The following PALD1 variants were observed in gnomAD, a reference collection of about 807,000 sequenced individuals.
The protein encoded by PALD1 is paladin.
PALD1 carries 57 observed loss-of-function variants against 96.0 expected under a neutral mutation model. The ratio of observed to expected loss-of-function variants is 0.59; its 90% CI spans 0.48 to 0.74. PALD1 has a LOEUF of 0.74. Among genes scored for constraint, PALD1 ranks in the 30% least tolerant of loss-of-function variants. The pLI, the probability that PALD1 is intolerant of heterozygous loss-of-function variation, is 0.00. For synonymous variants in PALD1, 464 were observed against 473.6 expected (o/e 0.98, Z 0.26); for missense variants, 1,063 against 1,143.7 (o/e 0.93, Z 1.02).
intron 18 of PALD1, among the ~76,000 whole-genome samples, chr10:70,559,364 G>A (rs1272135574): frequency 1.3e-5 from 2 of 152,174 alleles, no homozygotes; most frequent in African/African-American, 4.8e-5. Context: ...TAGAGGTTAT[G>A]GGGACAGGAG....
At chr10:70,520,624 GA>G (rs1274974027) in intron 1 of PALD1, among the ~76,000 whole-genome samples, 2 of 151,646 alleles carry the variant, frequency 1.3e-5, no homozygotes, top group African/African-American at 2.4e-5. Flanking sequence ...TCCTCTTAAG[GA>G]AATGAGGTGA....
At chr10:70,481,086 C>T (rs952254936) in intron 1 of PALD1, among the ~76,000 whole-genome samples, 2 of 152,198 alleles carry the variant, frequency 1.3e-5, no homozygotes, top group Non-Finnish European at 2.9e-5. Context: ...AGTGGACAGA[C>T]ATATAGGTAG....
At chr10:70,546,437 T>C (rs4747048) in intron 17 of PALD1, among the ~76,000 whole-genome samples, 103,761 of 152,050 alleles carry the variant, frequency 0.68, 37,277 homozygotes, top group East Asian at 0.93. Context: ...TTATTTCTAA[T>C]GTAAACCACT....
At chr10:70,511,256 G>A (rs190884506) in intron 1 of PALD1, among the ~76,000 whole-genome samples, 9 of 148,918 alleles carry the variant, frequency 6.0e-5, no homozygotes, top group Admixed American at 3.3e-4. Flanking sequence ...TTATTTCTTC[G>A]TCCTGTCTAA....
At chr10:70,470,006 C>T in the PALD1 span, among the ~76,000 whole-genome samples, 1 of 152,122 alleles carries the variant, frequency 6.6e-6, no homozygotes, top group Non-Finnish European at 1.5e-5. Context: ...GTTGTCCAGG[C>T]TGGTCTCAAA....
rs140156208 is a variant in PALD1 at position 70,507,750 on chromosome 10, C to T, written c.-29-18173C>T. On this transcript the variant is annotated intron_variant, in intron 1 of 19. Transcript: ENST00000263563. ...GTTACATTTGTATGTTTTGTGTGTGCGTGTGTGTGTGTGTGTGTGTGTGTG... is the reference window on the plus strand; with the variant it reads ...GTTACATTTGTATGTTTTGTGTGTGTGTGTGTGTGTGTGTGTGTGTGTGTG... Among the ~76,000 whole-genome samples the T allele has an allele frequency of 7.7e-4, 114 of 148,748 alleles. 1 individual carries two copies. In the South Asian group the frequency reaches 0.012, roughly 16 times the overall value.
chr10:70,540,984 A>G lies in PALD1; in HGVS notation c.1909-118A>G. 1 of 1,132,204 alleles carries G rather than the reference A, an allele frequency of 8.8e-7. No individual in the cohort carries two copies. Among genetic ancestry groups the G allele is most frequent in the Non-Finnish European group, 1.3e-6 (1 of 797,620 alleles). The allele number at this position is 1,132,204 out of a possible 1,614,324, so 70.1% of individuals were successfully genotyped here. ...TTTTGTTTGTGTGTGCAAGCTTGGG[A>G]GCCTGACAATTTCTGGCCCGAGGAC... is the stretch of plus-strand genomic sequence containing the variant. On this transcript the variant is annotated intron_variant, in intron 15 of 19. Transcript: ENST00000263563. The surrounding 1 kb of genome is among the most constrained non-coding windows in gnomAD (Gnocchi z 4.2).
At chr10:70,529,782 G>T (rs1184264770) in intron 3 of PALD1, 107 bp from the exon 4 acceptor site, 3 of 885,342 alleles carry the variant, frequency 3.4e-6, no homozygotes, top group Non-Finnish European at 3.5e-6. Flanking sequence ...TGTTCTTTTT[G>T]CCCCTATTTC....
chr10:70,537,969 G>T, intron 11 of PALD1, 63 bp downstream of exon 11: 4 of 1,179,994 alleles, frequency 3.4e-6, no homozygotes, highest in Non-Finnish European at 3.8e-6. Flanking sequence ...CCTCCCCACC[G>T]CAGTGACTGG....
At chr10:70,561,010 A>T (rs1465818254) in intron 18 of PALD1, among the ~76,000 whole-genome samples, 1 of 152,172 alleles carries the variant, frequency 6.6e-6, no homozygotes, top group Admixed American at 6.5e-5. Context: ...CAGACCTGTG[A>T]TCCAGCAAGA....
At chr10:70,464,998 G>A in the PALD1 span, among the ~76,000 whole-genome samples, 2 of 148,882 alleles carry the variant, frequency 1.3e-5, no homozygotes, top group Non-Finnish European at 3.0e-5. Flanking sequence ...TGTTTGAGAT[G>A]GAGTCTCGCT....
In PALD1 at chr10:70,538,290, C is replaced by G. The variant is rs1166052185; in HGVS notation, c.1334C>G (p.Ala445Gly). The G allele has an allele frequency of 6.2e-7, 1 of 1,602,768 alleles. No individual in the cohort carries two copies. The highest frequency in any genetic ancestry group is 1.3e-5 in the African/African-American group (1 of 75,048). Residue 445 changes from alanine (A) to glycine (G), a missense_variant, in exon 12 of 20, where the codon GCC becomes GGC. Physicochemically the swap from Ala to Gly is moderately conservative, Grantham distance 60. Coordinates refer to ENST00000263563, the MANE Select transcript of PALD1 (RefSeq NM_014431.3). ...NYYLHEQYPL[A>G]FALSFSRWLC... ...TGCCTCGGGCTGCAGTACCCGCTGGCCTTTGCCCTCAGTTTCAGCCGCTGG... is the reference window on the plus strand; with the variant it reads ...TGCCTCGGGCTGCAGTACCCGCTGGGCTTTGCCCTCAGTTTCAGCCGCTGG...
rs746075598 is a variant in PALD1 at position 70,538,310 on chromosome 10, C to T, written c.1354C>T (p.Arg452Cys). 2.5e-6 allele frequency: 4 copies of T among 1,605,060 alleles called. No individual in the cohort carries two copies. Among genetic ancestry groups the T allele is most frequent in the Middle Eastern group, 1.7e-4 (1 of 6,044 alleles). ...YPLAFALSFS[R>C]WLCAHPELYR... The stretch of plus-strand genomic sequence containing the variant: ...GCTGGCCTTTGCCCTCAGTTTCAGC[C>T]GCTGGCTGTGTGCCCACCCTGAGCT... The change falls in exon 12 of 20, where the codon CGC becomes TGC. Residue 452 changes from arginine to cysteine, a missense_variant. Transcript: ENST00000263563.
intron 1 of PALD1, among the ~76,000 whole-genome samples, chr10:70,503,017 A>T (rs1846327123): frequency 6.6e-6 from 1 of 152,006 alleles, no homozygotes; most frequent in African/African-American, 2.4e-5. Flanking sequence ...AGTAGCTGGG[A>T]TTACAGGCAT....
intron 17 of PALD1, 104 bp downstream of exon 17, chr10:70,541,638 A>T (rs1589210969): frequency 1.3e-6 from 1 of 777,270 alleles, no homozygotes; most frequent in East Asian, 2.7e-5. Flanking sequence ...CAATGCAGTC[A>T]CGTCTGCCAC....
At chr10:70,526,757 A>G (rs776637305) in intron 2 of PALD1, among the ~76,000 whole-genome samples, 43 of 152,272 alleles carry the variant, frequency 2.8e-4, no homozygotes, top group Admixed American at 9.1e-4. Context: ...GGACAGGAAG[A>G]TGGAGGGGAT....
upstream of PALD1, among the ~76,000 whole-genome samples, chr10:70,474,494 G>A (rs184753075): frequency 1.6e-4 from 24 of 152,284 alleles, 1 homozygote; most frequent in Admixed American, 9.2e-4. Flanking sequence ...CCAGGAGGCG[G>A]AGGCAGCAGT....
At chr10:70,552,751 C>G (rs1847507230) in intron 18 of PALD1, among the ~76,000 whole-genome samples, 1 of 152,192 alleles carries the variant, frequency 6.6e-6, no homozygotes, top group South Asian at 2.1e-4. Context: ...TCGCTACTTA[C>G]CAGCAAACAT....
rs35568945 is a variant in PALD1, at chr10:70,525,175, A to AT, written c.-29-733dup. On this transcript the variant is annotated intron_variant, in intron 1 of 19. Coordinates refer to ENST00000263563, the MANE Select transcript of PALD1 (RefSeq NM_014431.3). ...TGCCACCATGCCTGGCTAATTTTGT[A>AT]TTTTTTTTTTTTTTTAAGTAGAGAT... Among the ~76,000 whole-genome samples, 951 of 137,152 alleles carry AT rather than the reference A, an allele frequency of 6.9e-3. 5 individuals are homozygous for AT. Among genetic ancestry groups the AT allele is most frequent in the Non-Finnish European group, 7.5e-3 (473 of 62,850 alleles). The allele number at this position is 137,152 out of a possible 152,430, so 90.0% of individuals were successfully genotyped here. A position where few individuals can be genotyped will look rare whatever the true frequency, so the allele number is the denominator to read the frequency against.
Sources: allele counts gnomAD v4.1 joint callset (sites outside exome capture counted in the v4.1 genomes callset), GRCh38; gene constraint gnomAD v4.1.1; non-coding constraint Gnocchi (gnomAD v3.1); transcripts MANE v1.5; gene names NCBI Gene and HGNC (gene_info 2026-07-23, HGNC 2026-07-21).